Variants in LEKR1 observed in about 807,000 individuals in gnomAD.
The protein encoded by LEKR1 is protein LEKR1.
In LEKR1, 59 loss-of-function variants were observed where a neutral mutation model predicts 72.4. That is an observed-to-expected ratio of 0.82 (90% CI 0.66 to 1.01). The LOEUF (loss-of-function observed/expected upper bound fraction) is 1.01. LEKR1 is among the 50% of genes least tolerant of loss of function. LEKR1 has a pLI of 0.00. For synonymous variants in LEKR1, 257 were observed against 263.2 expected (o/e 0.98, Z 0.23); for missense variants, 728 against 759.2 (o/e 0.96, Z 0.48).
intron 9 of LEKR1, among the ~76,000 whole-genome samples, chr3:157,007,548 G>C (rs982882063): frequency 6.6e-6 from 1 of 152,252 alleles, no homozygotes; most frequent in Admixed American, 6.5e-5. Flanking sequence ...CTCCCAGTGA[G>C]AGGACTGTGC....
intron 7 of LEKR1, among the ~76,000 whole-genome samples, chr3:156,981,122 ATATCGTATAGCCTACGTGTGTAG>A (rs1730161187): frequency 6.6e-6 from 1 of 152,208 alleles, no homozygotes; most frequent in Non-Finnish European, 1.5e-5. Context: ...ACAATAGGCT[ATATCGTATAGCCTACGTGTGTAG>A]TAGGTTATTC....
chr3:157,019,340 A>T (rs1274687158), intron 10 of LEKR1, among the ~76,000 whole-genome samples: 1 of 152,224 alleles, frequency 6.6e-6, no homozygotes, highest in East Asian at 1.9e-4. Context: ...TATTGGTATT[A>T]AATACAGATT....
chr3:157,008,736 T>C (rs1732658707), intron 9 of LEKR1, among the ~76,000 whole-genome samples: 2 of 152,234 alleles, frequency 1.3e-5, no homozygotes, highest in South Asian at 4.1e-4. Context: ...TCCTAAAAAA[T>C]GTTAGATTTT....
At chr3:156,903,504 G>A (rs556047369) in intron 3 of LEKR1, among the ~76,000 whole-genome samples, 10 of 152,104 alleles carry the variant, frequency 6.6e-5, no homozygotes, top group Admixed American at 4.6e-4. Context: ...TATTAGTTAC[G>A]ACTCTTGGTT....
chr3:156,883,566 A>G (rs938140644), intron 3 of LEKR1, among the ~76,000 whole-genome samples: 1 of 152,138 alleles, frequency 6.6e-6, no homozygotes, highest in Non-Finnish European at 1.5e-5. Context: ...CACTTGTGGG[A>G]GGGACTTGGT....
chr3:157,044,440 A>AATT (rs1735597388), intron 12 of LEKR1, among the ~76,000 whole-genome samples: 1 of 152,216 alleles, frequency 6.6e-6, no homozygotes, highest in African/African-American at 2.4e-5. Flanking sequence ...GAAGAGACTT[A>AATT]ATTATCTCTA....
chr3:156,923,484 T>G (rs926584844), intron 4 of LEKR1, among the ~76,000 whole-genome samples: 13 of 152,386 alleles, frequency 8.5e-5, no homozygotes, highest in South Asian at 2.1e-4. Flanking sequence ...TTCACTCATG[T>G]TGTGGCACTT....
intron 3 of LEKR1, among the ~76,000 whole-genome samples, chr3:156,873,657 T>A (rs532489072): frequency 3.3e-5 from 5 of 152,218 alleles, no homozygotes; most frequent in Non-Finnish European, 7.4e-5. Context: ...AGGACTTCCT[T>A]AAGCATTTCT....
At chr3:156,920,553 G>T in intron 3 of LEKR1, 22 bp from the exon 4 acceptor site, 1 of 1,397,644 alleles carries the variant, frequency 7.2e-7, no homozygotes, top group South Asian at 1.3e-5. Context: ...AATACTTAAG[G>T]AATGTTTGTT....
At chr3:156,872,280 ATCT>A (rs779893663) in intron 3 of LEKR1, among the ~76,000 whole-genome samples, 16 of 151,882 alleles carry the variant, frequency 1.1e-4, no homozygotes, top group Non-Finnish European at 2.1e-4. Context: ...CAGTTGTAAC[ATCT>A]TCTTTTTCAT....
At chr3:157,037,280 T>A (rs964113352) in intron 12 of LEKR1, among the ~76,000 whole-genome samples, 5 of 152,180 alleles carry the variant, frequency 3.3e-5, no homozygotes, top group Admixed American at 1.3e-4. Context: ...TGTGAAGAAA[T>A]GCTTTTTTCA....
chr3:156,964,518 T>G (rs975926507), intron 6 of LEKR1, among the ~76,000 whole-genome samples: 3 of 152,168 alleles, frequency 2.0e-5, no homozygotes, highest in African/African-American at 7.2e-5. Context: ...CTTTTTACTT[T>G]TATATTATGT....
At chr3:157,002,633 G>A (rs1186166822) in intron 9 of LEKR1, among the ~76,000 whole-genome samples, 1 of 152,086 alleles carries the variant, frequency 6.6e-6, no homozygotes, top group African/African-American at 2.4e-5. Context: ...AGGCTCAGCA[G>A]GGAATCAAAG....
At chr3:156,869,860 G>T (rs902686424) in intron 3 of LEKR1, among the ~76,000 whole-genome samples, 1 of 151,904 alleles carries the variant, frequency 6.6e-6, no homozygotes, top group African/African-American at 2.4e-5. Context: ...TAAGTCTTTA[G>T]TCCATCCTGA....
intron 4 of LEKR1, among the ~76,000 whole-genome samples, chr3:156,923,433 G>A (rs1303392689): frequency 6.6e-6 from 1 of 152,254 alleles, no homozygotes; most frequent in African/African-American, 2.4e-5. Flanking sequence ...CATACAATAT[G>A]TTGTCTTTAC....
At chr3:156,937,492 G>A (rs1433338979) in intron 5 of LEKR1, among the ~76,000 whole-genome samples, 1 of 152,184 alleles carries the variant, frequency 6.6e-6, no homozygotes, top group Non-Finnish European at 1.5e-5. Flanking sequence ...TTATTAGAAT[G>A]TCTAAAATTG....
At chr3:156,980,325 A>G (rs1418039261) in intron 7 of LEKR1, among the ~76,000 whole-genome samples, 2 of 152,208 alleles carry the variant, frequency 1.3e-5, no homozygotes, top group African/African-American at 2.4e-5. Context: ...TACCCTATCA[A>G]ATTAATGTAT....
At chr3:156,936,346 T>C (rs1725697761) in intron 5 of LEKR1, among the ~76,000 whole-genome samples, 1 of 151,838 alleles carries the variant, frequency 6.6e-6, no homozygotes, top group Non-Finnish European at 1.5e-5. Context: ...AGCAGGTCTC[T>C]AGAGTCAGCC....
At chr3:156,869,082 CT>C (rs1382644486) in intron 3 of LEKR1, among the ~76,000 whole-genome samples, 1 of 152,128 alleles carries the variant, frequency 6.6e-6, no homozygotes, top group East Asian at 1.9e-4. Flanking sequence ...CACACATTTT[CT>C]TTATCCATTC....
Sources: gnomAD v4.1 joint callset for allele counts (sites outside exome capture counted in the v4.1 genomes callset) on GRCh38, gnomAD v4.1.1 for gene constraint, MANE v1.5 for transcripts, NCBI Gene and HGNC (gene_info 2026-07-23, HGNC 2026-07-21) for gene names.